The following PCBP3 variants were observed in gnomAD, a reference collection of about 807,000 sequenced individuals.
The protein encoded by PCBP3 is poly(rC) binding protein 3.
In PCBP3, 25 loss-of-function variants were observed where a neutral mutation model predicts 52.7. The ratio of observed to expected loss-of-function variants is 0.47; its 90% CI spans 0.35 to 0.66. The LOEUF is 0.66. Ranked by LOEUF, PCBP3 falls within the 30% of genes least tolerant of loss-of-function variation. PCBP3 has a pLI of 0.01. For synonymous variants in PCBP3, 162 were observed against 183.0 expected, an observed-to-expected ratio of 0.89 and a Z score of 0.93; for missense variants, 391 against 490.3, an observed-to-expected ratio of 0.80 and a Z score of 1.91.
intron 1 of PCBP3, among the ~76,000 whole-genome samples, chr21:45,646,077 C>CTG (rs2079242303): frequency 9.1e-6 from 1 of 110,208 alleles, no homozygotes; most frequent in African/African-American, 3.7e-5. Flanking sequence ...CTCTCTCTCT[C>CTG]TCTCTTTCTC....
At chr21:45,768,282 G>A (rs775845437) in intron 4 of PCBP3, among the ~76,000 whole-genome samples, 21 of 152,244 alleles carry the variant, frequency 1.4e-4, no homozygotes, top group South Asian at 6.2e-4. Context: ...GTTTCTCAGC[G>A]AAAGCACTTG....
At chr21:45,701,709 C>T (rs990761590) in intron 2 of PCBP3, among the ~76,000 whole-genome samples, 8 of 152,042 alleles carry the variant, frequency 5.3e-5, no homozygotes, top group African/African-American at 9.7e-5. Context: ...TACGGGTGTG[C>T]GCCACCACAC....
intron 6 of PCBP3, among the ~76,000 whole-genome samples, chr21:45,898,474 T>C (rs1603477103): frequency 6.7e-6 from 1 of 148,748 alleles, no homozygotes; most frequent in Non-Finnish European, 1.5e-5. Flanking sequence ...GGTCTCCCTC[T>C]CCTTCCACAG....
At chr21:45,776,055 A>AT (rs918207650) in intron 4 of PCBP3, among the ~76,000 whole-genome samples, 4 of 151,762 alleles carry the variant, frequency 2.6e-5, no homozygotes, top group South Asian at 2.1e-4. Context: ...TGTTTCAAGG[A>AT]TTTTTTTTAT....
intron 13 of PCBP3, chr21:45,918,893 T>C (rs113381288): frequency 4.3e-4 from 63 of 147,802 alleles, no homozygotes; most frequent in Non-Finnish European, 4.8e-4. Context: ...AAGAAGTTAC[T>C]CTCAGATAAA....
chr21:45,694,130 G>A (rs1247957407), intron 2 of PCBP3, among the ~76,000 whole-genome samples: 1 of 151,936 alleles, frequency 6.6e-6, no homozygotes, highest in African/African-American at 2.4e-5. Flanking sequence ...TATTCCAAAC[G>A]AAGATGGGAA....
At chr21:45,713,766 G>C (rs892595880) in intron 2 of PCBP3, among the ~76,000 whole-genome samples, 13 of 152,254 alleles carry the variant, frequency 8.5e-5, no homozygotes, top group Non-Finnish European at 1.5e-5. Flanking sequence ...TGACGCTGCA[G>C]ATGTGCAGCC....
chr21:45,862,447 A>G (rs1037739618), intron 5 of PCBP3, among the ~76,000 whole-genome samples: 1 of 152,214 alleles, frequency 6.6e-6, no homozygotes, highest in Non-Finnish European at 1.5e-5. Context: ...AAAAAGATAT[A>G]AAAACACAGG....
At chr21:45,881,983 A>T (rs1168242991) in intron 5 of PCBP3, among the ~76,000 whole-genome samples, 1 of 152,008 alleles carries the variant, frequency 6.6e-6, no homozygotes, top group African/African-American at 2.4e-5. Flanking sequence ...GGCTGTTGTG[A>T]GTTGTGCCAC....
intron 9 of PCBP3, chr21:45,901,368 T>G: frequency 2.3e-6 from 1 of 432,862 alleles, no homozygotes; most frequent in Non-Finnish European, 4.3e-6. Flanking sequence ...CTCCCTCAGC[T>G]TCCCCAGACC....
rs917652561 is a variant in PCBP3 at position 45,853,638 on chromosome 21, T to A, written c.10+3543T>A. ...GCTGAAGTGTTTGCATTTGATTTAG[T>A]TCTAGGAAGACCTTAGGTTTCTTCC... On this transcript the variant is annotated intron_variant, in intron 5 of 17. Transcript: ENST00000681687. This position sits in a 1 kb window ranked among gnomAD's most constrained non-coding sequence, Gnocchi z 4.6. 1.3e-5 allele frequency among the ~76,000 whole-genome samples: 2 copies of A among 152,198 alleles called. No individual in the cohort carries two copies.
At chr21:45,680,581 TG>T (rs2081777598) in intron 2 of PCBP3, among the ~76,000 whole-genome samples, 1 of 152,250 alleles carries the variant, frequency 6.6e-6, no homozygotes, top group Non-Finnish European at 1.5e-5. Flanking sequence ...CTGAACTCAT[TG>T]ATTCTAGAAG....
chr21:45,858,390 GA>G (rs1183583498), intron 5 of PCBP3: 35 of 152,492 alleles, frequency 2.3e-4, no homozygotes, highest in African/African-American at 7.7e-4. Context: ...CTGGGCGGAG[GA>G]GGAACGGCTT....
chr21:45,715,506 A>T (rs1278271094), intron 2 of PCBP3, among the ~76,000 whole-genome samples: 2 of 152,220 alleles, frequency 1.3e-5, no homozygotes. Flanking sequence ...CATGTACATT[A>T]TCAGTCACTC....
chr21:45,789,635 C>A (rs1033650909), intron 4 of PCBP3, among the ~76,000 whole-genome samples: 1 of 152,122 alleles, frequency 6.6e-6, no homozygotes, highest in Non-Finnish European at 1.5e-5. Context: ...CGGAGCAGAG[C>A]GAGCAAGGGA....
intron 5 of PCBP3, among the ~76,000 whole-genome samples, chr21:45,859,265 G>A (rs115221840): frequency 0.027 from 2,899 of 106,996 alleles, 101 homozygotes; most frequent in African/African-American, 0.096. Context: ...AGGAGGGGCC[G>A]TGCTGCAGAG....
chr21:45,834,443 G>A (rs1467659051), intron 4 of PCBP3, among the ~76,000 whole-genome samples: 1 of 152,220 alleles, frequency 6.6e-6, no homozygotes, highest in African/African-American at 2.4e-5. Context: ...TCTAGGGGTG[G>A]CGTCCCCATG....
chr21:45,796,402 C>G (rs2091921606), intron 4 of PCBP3, among the ~76,000 whole-genome samples: 1 of 152,180 alleles, frequency 6.6e-6, no homozygotes, highest in African/African-American at 2.4e-5. Context: ...TGCTGTGTCT[C>G]CTGCCTCAGT....
intron 3 of PCBP3, among the ~76,000 whole-genome samples, chr21:45,745,409 TC>T (rs1369915293): frequency 6.6e-6 from 1 of 152,170 alleles, no homozygotes; most frequent in African/African-American, 2.4e-5. Context: ...AGGGCTGGGC[TC>T]TGTGAGGCCC....
Sources: gnomAD v4.1 joint callset for allele counts (sites outside exome capture counted in the v4.1 genomes callset) on GRCh38, gnomAD v4.1.1 for gene constraint, Gnocchi (gnomAD v3.1) non-coding constraint, MANE v1.5 for transcripts, NCBI Gene and HGNC (gene_info 2026-07-23, HGNC 2026-07-21) for gene names.